The following DNAH3 variants were observed in gnomAD, a reference collection of about 807,000 sequenced individuals.
DNAH3 encodes axonemal beta dynein heavy chain 3.
A neutral mutation model predicts 432.5 loss-of-function variants in DNAH3; 332 were observed. The observed-to-expected ratio is 0.77, with a 90% CI of 0.70 to 0.84. The LOEUF is 0.84. Ranked by LOEUF, DNAH3 falls within the 40% of genes least tolerant of loss-of-function variation. The probability of loss-of-function intolerance (pLI) is 0.00; values close to 1 mark genes in which losing one functional copy is unlikely to be tolerated. For missense variants in DNAH3, 4,861 were observed against 5,114.0 expected, an observed-to-expected ratio of 0.95 and a Z score of 1.51; for synonymous variants, 1,956 against 1,900.2, an observed-to-expected ratio of 1.03 and a Z score of -0.76.
At chr16:21,037,683 G>C in intron 34 of DNAH3, 78 bp downstream of exon 34, 1 of 1,256,532 alleles carries the variant, frequency 8.0e-7, no homozygotes, top group South Asian at 1.4e-5. Flanking sequence ...AGAGGGTATG[G>C]GGAAGGCACC....
chr16:21,106,719 T>C (rs2091955892), intron 14 of DNAH3, 45 bp from the exon 15 acceptor site: 2 of 1,362,322 alleles, frequency 1.5e-6, no homozygotes. Flanking sequence ...ATCATCACCA[T>C]CATCACCATC....
chr16:20,950,600 A>G (rs760265471), intron 56 of DNAH3, among the ~76,000 whole-genome samples: 1 of 152,208 alleles, frequency 6.6e-6, no homozygotes, highest in African/African-American at 2.4e-5. Flanking sequence ...ACAGGTATAC[A>G]GTGTCTGCCA....
At chr16:21,081,702 A>C (rs1371101612) in exon 20 of DNAH3, 1 of 1,613,944 alleles carries the variant, frequency 6.2e-7, no homozygotes, top group East Asian at 2.2e-5. Context: ...GGTGGGCTTT[A>C]TCTCATAGCC....
intron 12 of DNAH3, among the ~76,000 whole-genome samples, chr16:21,116,385 C>T (rs946279293): frequency 1.3e-5 from 2 of 152,026 alleles, no homozygotes; most frequent in South Asian, 2.1e-4. Flanking sequence ...TGAGTTCTCA[C>T]GAGATCTGAT....
intron 3 of DNAH3, among the ~76,000 whole-genome samples, chr16:21,142,309 G>A (rs1459455298): frequency 6.6e-6 from 1 of 152,150 alleles, no homozygotes; most frequent in Non-Finnish European, 1.5e-5. Flanking sequence ...GGAGGTTGCA[G>A]TGAGCCAAGA....
At chr16:21,035,502 G>T (rs1385461628) in intron 35 of DNAH3, among the ~76,000 whole-genome samples, 1 of 152,094 alleles carries the variant, frequency 6.6e-6, no homozygotes, top group Non-Finnish European at 1.5e-5. Flanking sequence ...CTGTAGATCC[G>T]CAAATTACTT....
intron 53 of DNAH3, among the ~76,000 whole-genome samples, chr16:20,962,187 A>G (rs959824002): frequency 6.6e-6 from 1 of 151,814 alleles, no homozygotes; most frequent in Non-Finnish European, 1.5e-5. Context: ...ATAAAATAAT[A>G]ATTAAAAAAA....
chr16:20,947,325 G>A (rs577800730), intron 57 of DNAH3, among the ~76,000 whole-genome samples: 2 of 152,274 alleles, frequency 1.3e-5, no homozygotes, highest in East Asian at 3.9e-4. Context: ...TTCACCCTAT[G>A]CATCTCTTCA....
chr16:21,137,103 C>G (rs1015412577), intron 5 of DNAH3, among the ~76,000 whole-genome samples: 2 of 152,006 alleles, frequency 1.3e-5, no homozygotes, highest in Non-Finnish European at 2.9e-5. Context: ...CACTGCACTC[C>G]AGCCTGGGTG....
chr16:21,088,157 T>G (rs575167612), intron 18 of DNAH3, among the ~76,000 whole-genome samples: 2 of 152,090 alleles, frequency 1.3e-5, no homozygotes, highest in African/African-American at 2.4e-5. Context: ...TAATTTCACA[T>G]GCTTCATCAA....
chr16:20,944,540 G>A lies in DNAH3; in HGVS notation c.11467C>T (p.Leu3823=), dbSNP rs577408198. ...CCTCCTGACTGTCTAGGGAGGGTCA[G>A]CAGGACCCCCTCAAACAGCTGGTTG... Residue 3823 remains leucine (L), a synonymous_variant, in exon 58 of 62, where the codon CTG becomes TTG. Coordinates refer to ENST00000261383, the Ensembl canonical transcript of DNAH3. The A allele has an allele frequency of 1.9e-6, 3 of 1,614,176 alleles. No homozygotes were observed. In the South Asian group the frequency reaches 3.3e-5, roughly 18 times the overall value.
intron 7 of DNAH3, among the ~76,000 whole-genome samples, chr16:21,133,507 G>A (rs1343920456): frequency 2.6e-5 from 4 of 152,112 alleles, no homozygotes; most frequent in African/African-American, 4.8e-5. Flanking sequence ...TTGGGAGGCT[G>A]AGGCTGGCAG....
chr16:20,959,657 C>CA (rs2084733601), intron 53 of DNAH3, among the ~76,000 whole-genome samples: 3 of 132,150 alleles, frequency 2.3e-5, no homozygotes, highest in African/African-American at 8.6e-5. Flanking sequence ...ACACACACAC[C>CA]CCAACACAAA....
At chr16:21,129,596 G>A (rs917611300) in intron 7 of DNAH3, among the ~76,000 whole-genome samples, 1 of 151,550 alleles carries the variant, frequency 6.6e-6, no homozygotes, top group East Asian at 1.9e-4. Flanking sequence ...AATTAGCCGG[G>A]CCTGGTGGCG....
At chr16:21,152,338 C>T (rs989845286) in intron 1 of DNAH3, among the ~76,000 whole-genome samples, 1 of 152,256 alleles carries the variant, frequency 6.6e-6, no homozygotes, top group African/African-American at 2.4e-5. Context: ...CTGATGACCC[C>T]GAGTCCACTG....
Position 21,087,019 on chromosome 16 carries a change from TCTC to T in DNAH3, c.2704_2706del (p.Glu902del), listed in dbSNP as rs768779341. On this transcript the variant is annotated inframe_deletion, in exon 19 of 62. Transcript: ENST00000261383. ...TACGTTGTCCTCCACATATTCCCTA[TCTC>T]CTCCGCAATTTGCTCAGCATTCAGT... 7 of 1,614,094 alleles carry T rather than the reference TCTC, an allele frequency of 4.3e-6. No homozygotes were observed. In the South Asian group the frequency reaches 7.7e-5, roughly 18 times the overall value.
At chr16:20,998,237 G>A (rs1440515470) in intron 43 of DNAH3, among the ~76,000 whole-genome samples, 7 of 152,040 alleles carry the variant, frequency 4.6e-5, no homozygotes, top group East Asian at 1.9e-4. Context: ...TAGGCCTTGA[G>A]CTGGAGTTTT....
chr16:21,065,239 CA>C (rs1341455324), intron 24 of DNAH3, among the ~76,000 whole-genome samples: 1 of 152,086 alleles, frequency 6.6e-6, no homozygotes, highest in Non-Finnish European at 1.5e-5. Flanking sequence ...CGGCTCACCA[CA>C]ATCTCTGCCT....
intron 7 of DNAH3, among the ~76,000 whole-genome samples, chr16:21,130,776 C>T (rs879876093): frequency 4.6e-5 from 7 of 152,178 alleles, no homozygotes; most frequent in African/African-American, 4.8e-5. Context: ...GTCTTTGCTA[C>T]GAGATCAATT....
Sources: gnomAD v4.1 joint callset for allele counts (sites outside exome capture counted in the v4.1 genomes callset) on GRCh38, gnomAD v4.1.1 for gene constraint, MANE v1.5 for transcripts, NCBI Gene and HGNC (gene_info 2026-07-23, HGNC 2026-07-21) for gene names.